FBLN1: variants seen among roughly 807,000 people sequenced by gnomAD.
FBLN1 encodes the protein fibulin 1, also known as fibulin-1.
Under a neutral mutation model 89.7 loss-of-function variants are expected in FBLN1, and 34 were observed. The observed-to-expected ratio is 0.38, with a 90% CI of 0.29 to 0.50. FBLN1 has a LOEUF of 0.50. Ranked by LOEUF, FBLN1 falls within the 20% of genes least tolerant of loss-of-function variation. The pLI is 0.92. For missense variants in FBLN1, 777 were observed against 988.1 expected, an observed-to-expected ratio of 0.79 and a Z score of 2.86; for synonymous variants, 393 against 391.3, an observed-to-expected ratio of 1.00 and a Z score of -0.05.
At position 45,577,783 on chromosome 22, in the gene FBLN1, G is replaced by A. The variant is rs1046000317; in HGVS notation, c.1972+675G>A. On this transcript the variant is annotated intron_variant, in intron 16 of 16. Coordinates refer to ENST00000327858, the MANE Select transcript of FBLN1 (RefSeq NM_006486.3). This position sits in a 1 kb window ranked among gnomAD's most constrained non-coding sequence, Gnocchi z 6.6. ...GTCCTGTTGGTGGGTGCAGGCTGGGGAAGATGTTTACAGGCGGGGGCAGGG... is the reference window on the plus strand; with the variant it reads ...GTCCTGTTGGTGGGTGCAGGCTGGGAAAGATGTTTACAGGCGGGGGCAGGG... The A allele has an allele frequency of 4.3e-5, 7 of 163,542 alleles. No homozygotes were observed. The highest frequency in any genetic ancestry group is 1.2e-4 in the African/African-American group (5 of 41,686). The allele number at this position is 163,542 out of a possible 1,614,324, so 10.1% of individuals were successfully genotyped here. A position where few individuals can be genotyped will look rare whatever the true frequency, so the allele number is the denominator to read the frequency against.
rs1383877988 is a variant in FBLN1 at position 45,532,351 on chromosome 22, G to A, written c.545-712G>A. Reference sequence around the variant, plus strand: ...GGTCCTCAGGGAGACCTGAAGCCTTGTAAAGGGCACGGACCCACTGTAGCA... The same window carrying A: ...GGTCCTCAGGGAGACCTGAAGCCTTATAAAGGGCACGGACCCACTGTAGCA... On this transcript the variant is annotated intron_variant, in intron 5 of 16. Transcript: ENST00000327858. This position sits in a 1 kb window ranked among gnomAD's most constrained non-coding sequence, Gnocchi z 4.2. Among the ~76,000 whole-genome samples, 1 of 152,174 alleles carries A rather than the reference G, an allele frequency of 6.6e-6. No individual in the cohort carries two copies. The highest frequency in any genetic ancestry group is 1.5e-5 in the Non-Finnish European group (1 of 68,038).
At chr22:45,570,891 G>A (rs942526780) in intron 14 of FBLN1, among the ~76,000 whole-genome samples, 4 of 151,982 alleles carry the variant, frequency 2.6e-5, no homozygotes, top group Non-Finnish European at 5.9e-5. Flanking sequence ...CACTTTAGGG[G>A]CCAAGGTGGC....
intron 3 of FBLN1, 40 bp from the exon 4 acceptor site, chr22:45,527,807 T>C: frequency 6.2e-7 from 1 of 1,611,886 alleles, no homozygotes; most frequent in Non-Finnish European, 8.5e-7. Context: ...CTGGGCTGTC[T>C]GCCCGCTCCT....
chr22:45,569,853 G>T (rs568741116), intron 14 of FBLN1, among the ~76,000 whole-genome samples: 1 of 152,224 alleles, frequency 6.6e-6, no homozygotes, highest in South Asian at 2.1e-4. Context: ...TCTTGGTTAG[G>T]CCACCCAGTC....
chr22:45,516,208 G>A (rs1464910688), intron 1 of FBLN1, among the ~76,000 whole-genome samples: 2 of 152,160 alleles, frequency 1.3e-5, no homozygotes, highest in African/African-American at 4.8e-5. Flanking sequence ...CTGCAGGTGG[G>A]GGCTGAGTGG....
chr22:45,528,106 T>C, intron 4 of FBLN1, 97 bp downstream of exon 4: 1 of 1,378,306 alleles, frequency 7.3e-7, no homozygotes, highest in Admixed American at 2.0e-5. Flanking sequence ...TTTAAGGACT[T>C]GGCTCATGTG....
intron 1 of FBLN1, chr22:45,517,261 G>C (rs1395885051): frequency 3.5e-6 from 1 of 283,186 alleles, no homozygotes; most frequent in Non-Finnish European, 6.9e-6. Flanking sequence ...TTAAAGCCCA[G>C]TTTTGTAACA....
chr22:45,541,543 T>C (rs2088556423), intron 9 of FBLN1, among the ~76,000 whole-genome samples, 171 bp downstream of exon 9: 1 of 152,222 alleles, frequency 6.6e-6, no homozygotes, highest in African/African-American at 2.4e-5. Context: ...CCTGGACTGG[T>C]GCACCAGCCC....
At chr22:45,510,625 T>C (rs774396059) in intron 1 of FBLN1, among the ~76,000 whole-genome samples, 1 of 152,112 alleles carries the variant, frequency 6.6e-6, no homozygotes, top group Non-Finnish European at 1.5e-5. Context: ...TGTTTACAGC[T>C]AGCAGGCTGA....
Position 45,518,772 on chromosome 22 carries a change from A to C in FBLN1, c.170A>C (p.Glu57Ala), listed in dbSNP as rs1474571220. Reference protein sequence around the residue: ...QKDCSLPYATESKECRMVQEQ... With the variant: ...QKDCSLPYATASKECRMVQEQ... ...GACTGCTCGCTGCCATATGCTACGG[A>C]ATCCAAAGAATGCAGGTACGTTTGC... The change falls in exon 2 of 17, where the codon GAA becomes GCA. Residue 57 changes from glutamate (E) to alanine (A), a missense_variant. Coordinates refer to ENST00000327858, the MANE Select transcript of FBLN1 (RefSeq NM_006486.3). The C allele has an allele frequency of 8.7e-6, 14 of 1,610,632 alleles. No individual in the cohort carries two copies. The highest frequency in any genetic ancestry group is 1.2e-5 in the Non-Finnish European group (14 of 1,178,516).
rs780980269 is a variant in FBLN1 at position 45,576,926 on chromosome 22, G to C, written c.1841-51G>C. On this transcript the variant is annotated intron_variant, in intron 15 of 16. Coordinates refer to ENST00000327858, the MANE Select transcript of FBLN1 (RefSeq NM_006486.3). The surrounding 1 kb of genome is among the most constrained non-coding windows in gnomAD (Gnocchi z 5.2). ...AGTTCCTGGGGACGAGGCTGGGACT[G>C]GGGCTGGGGCCAGGCTGTGCTGAGC... is the stretch of plus-strand genomic sequence containing the variant. The C allele has an allele frequency of 6.2e-7, 1 of 1,609,808 alleles. No individual in the cohort carries two copies. Among genetic ancestry groups the C allele is most frequent in the South Asian group, 1.1e-5 (1 of 90,998 alleles).
chr22:45,565,126 G>A lies in FBLN1; in HGVS notation c.1698-9385G>A, dbSNP rs1437900437. 5 of 1,586,846 alleles carry A rather than the reference G, an allele frequency of 3.2e-6. No homozygotes were observed. The South Asian group carries it at 5.6e-5, about 18-fold the overall frequency. On this transcript the variant is annotated intron_variant, in intron 14 of 16. Transcript: ENST00000327858. The stretch of plus-strand genomic sequence containing the variant: ...CCTGGCCCTCTCTCTGATCATGCCA[G>A]GTTTGCACCAGCCTCGAGTCTCCCA...
At position 45,532,794 on chromosome 22, in the gene FBLN1, G is replaced by A; in HGVS notation, c.545-269G>A. On this transcript the variant is annotated intron_variant, in intron 5 of 16. Transcript: ENST00000327858. The surrounding 1 kb of genome is among the most constrained non-coding windows in gnomAD (Gnocchi z 4.2). ...CTCTTCTCTGCTTCGCCCCTTCCAG[G>A]TCCACCCCAGCCTACAAAGGGCACC... 2 of 552,972 alleles carry A rather than the reference G, an allele frequency of 3.6e-6. No individual in the cohort carries two copies. Among genetic ancestry groups the A allele is most frequent in the South Asian group, 4.0e-5 (2 of 49,620 alleles). 34.3% of individuals were successfully genotyped at this position (552,972 alleles called of 1,614,324 possible).
At chr22:45,551,218 A>G (rs756725166) in intron 14 of FBLN1, 1 of 178,590 alleles carries the variant, frequency 5.6e-6, no homozygotes, top group Admixed American at 5.4e-5. Context: ...CCCACTTCCT[A>G]TCCCCCTTGC....
Position 45,574,778 on chromosome 22 carries a change from T to G in FBLN1, c.1840+125T>G, listed in dbSNP as rs1311027217. ...CCAGGCTTTGAAATGCAGAACTTTC[T>G]TTTTTTTTTTTTTTTTTTTTTGAGA... On this transcript the variant is annotated intron_variant, in intron 15 of 16. Coordinates refer to ENST00000327858, the MANE Select transcript of FBLN1 (RefSeq NM_006486.3). This position sits in a 1 kb window ranked among gnomAD's most constrained non-coding sequence, Gnocchi z 4.1. 7.2e-6 allele frequency: 1 copy of G among 138,600 alleles called. No individual in the cohort carries two copies. The highest frequency in any genetic ancestry group is 1.2e-5 in the Non-Finnish European group (1 of 80,452). The allele number at this position is 138,600 out of a possible 1,614,324, so 8.6% of individuals were successfully genotyped here.
intron 11 of FBLN1, among the ~76,000 whole-genome samples, chr22:45,543,856 G>C (rs1481103133): frequency 1.3e-5 from 2 of 152,186 alleles, no homozygotes; most frequent in African/African-American, 2.4e-5. Flanking sequence ...CCCTGCCTCC[G>C]TGTCCTCCCC....
rs1027515143 is a variant in FBLN1, at chr22:45,590,897, C to A, written c.1973-9410C>A. Among the ~76,000 whole-genome samples, 2 of 151,844 alleles carry A rather than the reference C, an allele frequency of 1.3e-5. No individual in the cohort carries two copies. Among genetic ancestry groups the A allele is most frequent in the Non-Finnish European group, 2.9e-5 (2 of 67,966 alleles). On this transcript the variant is annotated intron_variant, in intron 16 of 16. Coordinates refer to ENST00000327858, the MANE Select transcript of FBLN1 (RefSeq NM_006486.3). This position sits in a 1 kb window ranked among gnomAD's most constrained non-coding sequence, Gnocchi z 4.1. The stretch of plus-strand genomic sequence containing the variant: ...ATTTGAATTGTCCATCTGGGAGGGG[C>A]GTCTGGAGAAATTGGAGTGGACTCC...
chr22:45,584,121 G>A (rs901356584), intron 16 of FBLN1, among the ~76,000 whole-genome samples: 1 of 152,236 alleles, frequency 6.6e-6, no homozygotes, highest in Admixed American at 6.5e-5. Context: ...CAGCAAGGGT[G>A]ACTGAGCCCT....
intron 2 of FBLN1, among the ~76,000 whole-genome samples, chr22:45,521,302 T>G (rs1305655713): frequency 6.6e-6 from 1 of 152,208 alleles, no homozygotes; most frequent in Non-Finnish European, 1.5e-5. Flanking sequence ...AGTTTCCATA[T>G]GACAGTGTCC....
Sources: allele counts gnomAD v4.1 joint callset (sites outside exome capture counted in the v4.1 genomes callset), GRCh38; gene constraint gnomAD v4.1.1; non-coding constraint Gnocchi (gnomAD v3.1); transcripts MANE v1.5; gene names NCBI Gene and HGNC (gene_info 2026-07-23, HGNC 2026-07-21).